ATP8A1: variants seen among roughly 807,000 people sequenced by gnomAD.
ATP8A1 encodes the protein ATPase phospholipid transporting 8A1.
ATP8A1 carries 90 observed loss-of-function variants against 177.7 expected under a neutral mutation model. That is an observed-to-expected ratio of 0.51 (90% CI 0.43 to 0.60). ATP8A1 has a LOEUF of 0.60. ATP8A1 is among the 20% of genes least tolerant of loss of function. The pLI is 0.00. For missense variants in ATP8A1, 1,072 were observed against 1,392.8 expected, an observed-to-expected ratio of 0.77 and a Z score of 3.67; for synonymous variants, 493 against 485.9, an observed-to-expected ratio of 1.01 and a Z score of -0.19.
intron 20 of ATP8A1, among the ~76,000 whole-genome samples, chr4:42,542,179 A>G (rs1327328156): frequency 6.6e-6 from 1 of 152,130 alleles, no homozygotes; most frequent in African/African-American, 2.4e-5. Flanking sequence ...GGGACTTAAA[A>G]TTGCTTTAAA....
intron 5 of ATP8A1, among the ~76,000 whole-genome samples, chr4:42,611,372 T>C (rs1736353891): frequency 6.6e-6 from 1 of 152,208 alleles, no homozygotes; most frequent in Non-Finnish European, 1.5e-5. Context: ...TAATGCTTAG[T>C]ATCATAATAA....
intron 21 of ATP8A1, among the ~76,000 whole-genome samples, chr4:42,524,102 G>C (rs1726430476): frequency 6.6e-6 from 1 of 152,104 alleles, no homozygotes. Flanking sequence ...TGACTCTCAT[G>C]TTTAACAACC....
At chr4:42,499,098 C>T (rs1373543843) in intron 24 of ATP8A1, among the ~76,000 whole-genome samples, 3 of 152,162 alleles carry the variant, frequency 2.0e-5, no homozygotes, top group Admixed American at 6.5e-5. Flanking sequence ...ACTTCTCATA[C>T]ATTAGGTGGT....
At chr4:42,514,905 CA>C (rs1234159015) in intron 22 of ATP8A1, among the ~76,000 whole-genome samples, 1 of 152,156 alleles carries the variant, frequency 6.6e-6, no homozygotes, top group Non-Finnish European at 1.5e-5. Context: ...AGTTATCTCA[CA>C]AACATTTTTG....
At chr4:42,506,896 G>C in intron 23 of ATP8A1, 120 bp downstream of exon 23, 1 of 1,215,122 alleles carries the variant, frequency 8.2e-7, no homozygotes, top group Admixed American at 2.3e-5. Flanking sequence ...AAAAAGATTG[G>C]AATATTCCAA....
At chr4:42,444,917 T>A (rs113586205) in intron 31 of ATP8A1, among the ~76,000 whole-genome samples, 3,023 of 152,304 alleles carry the variant, frequency 0.02, 60 homozygotes, top group South Asian at 0.088. Context: ...TCTGTATGTG[T>A]TTTCTGCTTT....
At chr4:42,476,658 C>T (rs1721098194) in intron 25 of ATP8A1, among the ~76,000 whole-genome samples, 1 of 151,430 alleles carries the variant, frequency 6.6e-6, no homozygotes, top group African/African-American at 2.4e-5. Context: ...AGTGGGAAGT[C>T]CTTTATATCC....
chr4:42,512,231 T>C (rs1725080279), intron 22 of ATP8A1, among the ~76,000 whole-genome samples: 1 of 152,362 alleles, frequency 6.6e-6, no homozygotes, highest in Non-Finnish European at 1.5e-5. Flanking sequence ...GCAAATGGGA[T>C]GTAAAACTGA....
At chr4:42,438,923 G>A (rs925382519) in intron 33 of ATP8A1, among the ~76,000 whole-genome samples, 1 of 152,168 alleles carries the variant, frequency 6.6e-6, no homozygotes, top group Non-Finnish European at 1.5e-5. Flanking sequence ...GGAGAACTCA[G>A]TAGGTACACA....
chr4:42,567,106 A>C (rs140031592), intron 15 of ATP8A1, among the ~76,000 whole-genome samples: 6 of 152,380 alleles, frequency 3.9e-5, no homozygotes, highest in Non-Finnish European at 8.8e-5. Context: ...TTGGTTGCTT[A>C]GTATCCAAAG....
chr4:42,485,475 A>G lies in ATP8A1; in HGVS notation c.2324+21T>C. 4 of 1,578,688 alleles carry G rather than the reference A, an allele frequency of 2.5e-6. No individual in the cohort carries two copies. In the South Asian group the frequency reaches 3.5e-5, roughly 14 times the overall value. On this transcript the variant is annotated intron_variant, in intron 25 of 36. Transcript: ENST00000381668. ...TCAAGTCATTCTTTACTAAAATCTG[A>G]CAATGATAAGGAGAACTTACCGACA... is the stretch of plus-strand genomic sequence containing the variant.
At chr4:42,444,300 C>G (rs952885860) in intron 32 of ATP8A1, among the ~76,000 whole-genome samples, 4 of 152,190 alleles carry the variant, frequency 2.6e-5, no homozygotes, top group Non-Finnish European at 5.9e-5. Context: ...AGTTTAAAGT[C>G]TCACCACTTC....
chr4:42,479,348 A>G (rs1721419334), intron 25 of ATP8A1, among the ~76,000 whole-genome samples: 1 of 152,212 alleles, frequency 6.6e-6, no homozygotes, highest in African/African-American at 2.4e-5. Context: ...GCCCTTCTTT[A>G]ACTTGTCCTA....
intron 15 of ATP8A1, 35 bp downstream of exon 15, chr4:42,569,126 G>C: frequency 6.6e-7 from 1 of 1,523,072 alleles, no homozygotes; most frequent in East Asian, 2.4e-5. Flanking sequence ...ACCTTTTATA[G>C]GGATCAATGA....
chr4:42,437,735 G>A (rs990735369), intron 33 of ATP8A1, among the ~76,000 whole-genome samples: 3 of 152,136 alleles, frequency 2.0e-5, no homozygotes, highest in African/African-American at 7.2e-5. Flanking sequence ...GAAACAAAGT[G>A]CAAAACTATA....
At chr4:42,613,628 G>C (rs1345593126) in intron 5 of ATP8A1, among the ~76,000 whole-genome samples, 1 of 151,870 alleles carries the variant, frequency 6.6e-6, no homozygotes, top group African/African-American at 2.4e-5. Context: ...CTGTCACCCA[G>C]GCTGGAGTGC....
chr4:42,486,601 GTTAAT>G (rs1722226636), intron 24 of ATP8A1, among the ~76,000 whole-genome samples: 1 of 152,170 alleles, frequency 6.6e-6, no homozygotes, highest in Non-Finnish European at 1.5e-5. Flanking sequence ...TAAAAATCGT[GTTAAT>G]TTATGAGCTA....
chr4:42,606,351 C>A (rs1735797266), intron 5 of ATP8A1, among the ~76,000 whole-genome samples: 1 of 152,170 alleles, frequency 6.6e-6, no homozygotes, highest in African/African-American at 2.4e-5. Flanking sequence ...GGTGTTGAAG[C>A]TCCATGGTAT....
intron 25 of ATP8A1, among the ~76,000 whole-genome samples, chr4:42,474,818 A>T (rs1328322120): frequency 6.6e-6 from 1 of 152,204 alleles, no homozygotes; most frequent in Non-Finnish European, 1.5e-5. Flanking sequence ...TAGAAACAAT[A>T]GGGGAAAGGG....
Sources: allele counts gnomAD v4.1 joint callset (sites outside exome capture counted in the v4.1 genomes callset), GRCh38; gene constraint gnomAD v4.1.1; transcripts MANE v1.5; gene names NCBI Gene and HGNC (gene_info 2026-07-23, HGNC 2026-07-21).